The following VPS35L variants were observed in gnomAD, a reference collection of about 807,000 sequenced individuals.
VPS35L encodes the protein VPS35 endosomal protein sorting factor like.
A neutral mutation model predicts 133.0 loss-of-function variants in VPS35L; 83 were observed. The ratio of observed to expected loss-of-function variants is 0.62; its 90% CI spans 0.52 to 0.75. The LOEUF is 0.75. Among genes scored for constraint, VPS35L ranks in the 30% least tolerant of loss-of-function variants. VPS35L has a pLI of 0.00. For missense variants in VPS35L, 1,083 were observed against 1,206.8 expected (o/e 0.90, Z 1.52); for synonymous variants, 423 against 449.9 (o/e 0.94, Z 0.76).
chr16:19,610,368 A>C lies in VPS35L; in HGVS notation c.976A>C (p.Ile326Leu). ...LPRLTCMIRG[I>L]GDPLVSVYAR... ...CCGGTTGACATGCATGATCAGAGGG[A>C]TCGGAGACCCACTAGTGTCGGTGTA... The change falls in exon 12 of 31, where the codon ATC becomes CTC. Residue 326 changes from isoleucine to leucine, a missense_variant. Transcript: ENST00000417362. 6.2e-7 allele frequency: 1 copy of C among 1,614,154 alleles called. No individual in the cohort carries two copies. The highest frequency in any genetic ancestry group is 2.2e-5 in the East Asian group (1 of 44,878).
intron 26 of VPS35L, among the ~76,000 whole-genome samples, chr16:19,656,162 G>A (rs1181678438): frequency 6.6e-6 from 1 of 151,370 alleles, no homozygotes; most frequent in Admixed American, 6.6e-5. Flanking sequence ...TATTCAGGAG[G>A]CTGAGGCACG....
At chr16:19,605,311 G>A (rs562539609) in intron 9 of VPS35L, among the ~76,000 whole-genome samples, 2 of 152,298 alleles carry the variant, frequency 1.3e-5, no homozygotes, top group African/African-American at 4.8e-5. Flanking sequence ...TCTGTTCTTT[G>A]TTATATTGAA....
At chr16:19,646,535 C>T (rs1973955578) in intron 23 of VPS35L, among the ~76,000 whole-genome samples, 1 of 152,018 alleles carries the variant, frequency 6.6e-6, no homozygotes, top group African/African-American at 2.4e-5. Context: ...TGTTGTGGTG[C>T]ATGCCTGTAA....
chr16:19,660,110 A>G (rs1252396702), intron 26 of VPS35L, among the ~76,000 whole-genome samples: 1 of 152,072 alleles, frequency 6.6e-6, no homozygotes, highest in African/African-American at 2.4e-5. Flanking sequence ...GGATCACTAG[A>G]GGCTAGGAGT....
intron 6 of VPS35L, chr16:19,579,350 T>A: frequency 2.0e-6 from 1 of 495,522 alleles, no homozygotes; most frequent in East Asian, 3.2e-5. Flanking sequence ...TCTTTTCTCA[T>A]TGTGATGCCT....
At chr16:19,636,794 C>T (rs1973634720) in intron 19 of VPS35L, among the ~76,000 whole-genome samples, 1 of 152,208 alleles carries the variant, frequency 6.6e-6, no homozygotes, top group Non-Finnish European at 1.5e-5. Context: ...TCTTGGCTCT[C>T]CTGGACCAAG....
Position 19,569,450 on chromosome 16 carries a change from G to A in VPS35L, c.144G>A (p.Val48=). ...TCACAGAGTCAAAGACAAAGAAAGT[G>A]AACCGGAAAGGAAGCACTTCTTCCA... ...ITVTESKTKK[V]NRKGSTSSTS... Residue 48 remains valine, a synonymous_variant, in exon 3 of 31, where the codon GTG becomes GTA. Transcript: ENST00000417362. The A allele has an allele frequency of 6.3e-7, 1 of 1,598,336 alleles. No individual in the cohort carries two copies. Among genetic ancestry groups the A allele is most frequent in the Non-Finnish European group, 8.5e-7 (1 of 1,173,280 alleles).
At chr16:19,609,497 G>A (rs560619020) in intron 11 of VPS35L, among the ~76,000 whole-genome samples, 27 of 152,122 alleles carry the variant, frequency 1.8e-4, no homozygotes, top group Admixed American at 4.6e-4. Context: ...TGAAAATGAC[G>A]TCAGAAGCAG....
At chr16:19,601,795 G>A in intron 9 of VPS35L, 72 bp downstream of exon 9, 4 of 1,473,240 alleles carry the variant, frequency 2.7e-6, no homozygotes. Context: ...ATTGAGTCAG[G>A]ATTCATTGAA....
chr16:19,641,070 T>G (rs1973773106), intron 21 of VPS35L, among the ~76,000 whole-genome samples: 1 of 152,020 alleles, frequency 6.6e-6, no homozygotes, highest in Non-Finnish European at 1.5e-5. Context: ...TTATTATTTT[T>G]TTAATTTATT....
In VPS35L at chr16:19,682,386, C is replaced by A. The variant is rs759176989; in HGVS notation, c.2523C>A (p.Asp841Glu). 6.2e-7 allele frequency: 1 copy of A among 1,613,884 alleles called. No individual in the cohort carries two copies. The highest frequency in any genetic ancestry group is 8.5e-7 in the Non-Finnish European group (1 of 1,179,818). ...AGGAGACGTACCTTTACCACATAGA[C>A]AAAGGTAGCAGAGCCTCCCCCACCA... ...MSQETYLYHI[D>E]KVDSNDSLYG... The change falls in exon 28 of 31, where the codon GAC (aspartate) becomes GAA (glutamate). Residue 841 changes from aspartate (D) to glutamate (E), a missense_variant. Coordinates refer to ENST00000417362, the MANE Select transcript of VPS35L (RefSeq NM_020314.7).
At chr16:19,613,712 G>A (rs1419401922) in intron 12 of VPS35L, among the ~76,000 whole-genome samples, 2 of 152,174 alleles carry the variant, frequency 1.3e-5, no homozygotes, top group African/African-American at 4.8e-5. Flanking sequence ...GTGGCCATGG[G>A]TTGGGGTCTG....
intron 8 of VPS35L, among the ~76,000 whole-genome samples, chr16:19,595,701 A>G (rs9940748): frequency 0.051 from 7,691 of 152,002 alleles, 654 homozygotes; most frequent in African/African-American, 0.18. Flanking sequence ...TGCCAGCAGC[A>G]CTCCAGCCCC....
chr16:19,645,636 A>C (rs1214426718), intron 23 of VPS35L, among the ~76,000 whole-genome samples: 1 of 152,044 alleles, frequency 6.6e-6, no homozygotes, highest in Non-Finnish European at 1.5e-5. Context: ...CCTCCGGCTC[A>C]GCTGGGCTTG....
chr16:19,647,927 T>C, intron 24 of VPS35L, 45 bp downstream of exon 24: 3 of 1,419,240 alleles, frequency 2.1e-6, no homozygotes, highest in Non-Finnish European at 3.0e-6. Context: ...TAAATATTTA[T>C]TGATCATCTA....
chr16:19,684,203 G>A (rs925618091), intron 28 of VPS35L, among the ~76,000 whole-genome samples: 1 of 152,100 alleles, frequency 6.6e-6, no homozygotes, highest in Admixed American at 6.6e-5. Context: ...CAGCCTCCTC[G>A]TGTCCTGGAC....
chr16:19,638,807 A>G (rs943604618), intron 20 of VPS35L, among the ~76,000 whole-genome samples: 2 of 152,168 alleles, frequency 1.3e-5, no homozygotes, highest in Non-Finnish European at 2.9e-5. Context: ...AGCAATGCAC[A>G]ATTTCAAATG....
intron 2 of VPS35L, 94 bp from the exon 3 acceptor site, chr16:19,569,330 T>G: frequency 7.1e-7 from 1 of 1,405,802 alleles, no homozygotes; most frequent in Non-Finnish European, 1.0e-6. Flanking sequence ...AACCATCCAT[T>G]CAACTACCAG....
At chr16:19,685,616 A>G (rs1185343144) in intron 28 of VPS35L, among the ~76,000 whole-genome samples, 2 of 152,182 alleles carry the variant, frequency 1.3e-5, no homozygotes, top group Non-Finnish European at 2.9e-5. Flanking sequence ...CAGTTTCCCA[A>G]AGGGTTAAAC....
Sources: gnomAD v4.1 joint callset for allele counts (sites outside exome capture counted in the v4.1 genomes callset) on GRCh38, gnomAD v4.1.1 for gene constraint, MANE v1.5 for transcripts, NCBI Gene and HGNC (gene_info 2026-07-23, HGNC 2026-07-21) for gene names.